The following PROM1 variants were observed in gnomAD, a reference collection of about 807,000 sequenced individuals.
PROM1 encodes prominin-1.
Under a neutral mutation model 116.9 loss-of-function variants are expected in PROM1, and 105 were observed. That is an observed-to-expected ratio of 0.90 (90% CI 0.77 to 1.06). PROM1 has a LOEUF of 1.06. Ranked by LOEUF, PROM1 falls within the 50% of genes least tolerant of loss-of-function variation. The probability of loss-of-function intolerance (pLI) is 0.00; values close to 1 mark genes in which losing one functional copy is unlikely to be tolerated. For missense variants in PROM1, 1,122 were observed against 1,045.2 expected (o/e 1.07, Z -1.01); for synonymous variants, 393 against 387.0 (o/e 1.02, Z -0.18).
In PROM1 at chr4:16,023,392, C is replaced by T. The variant is rs752543587; in HGVS notation, c.718G>A (p.Gly240Arg). Residue 240 changes from glycine (G) to arginine (R), a missense_variant, in exon 8 of 28, where the codon GGA becomes AGA. Gly to Arg is a moderately radical substitution (Grantham distance 125). Coordinates refer to ENST00000447510, the MANE Select transcript of PROM1 (RefSeq NM_006017.3). ...TTGGGTCTCAGTCGGTCAAGAATTCCGCCTCCTAGCACTGAATTGATACCT... is the reference window on the plus strand; with the variant it reads ...TTGGGTCTCAGTCGGTCAAGAATTCTGCCTCCTAGCACTGAATTGATACCT... Reference protein sequence around the residue: ...LNSINSVLGGGILDRLRPNII... With the variant: ...LNSINSVLGGRILDRLRPNII... 97 of 1,603,860 alleles carry T rather than the reference C, an allele frequency of 6.0e-5. No individual in the cohort carries two copies. The highest frequency in any genetic ancestry group is 8.5e-5 in the Admixed American group (5 of 58,918).
At chr4:16,041,610 C>G (rs756470328) in intron 2 of PROM1, among the ~76,000 whole-genome samples, 35 of 151,834 alleles carry the variant, frequency 2.3e-4, no homozygotes, top group South Asian at 1.2e-3. Flanking sequence ...CATAGTGAGA[C>G]CCCACATTAG....
intron 2 of PROM1, among the ~76,000 whole-genome samples, chr4:16,060,472 C>T (rs148726798): frequency 0.019 from 2,882 of 152,184 alleles, 93 homozygotes; most frequent in African/African-American, 0.065. Flanking sequence ...TGCTACCACG[C>T]CCGGCTAATT....
intron 2 of PROM1, among the ~76,000 whole-genome samples, chr4:16,066,576 A>T (rs1026591729): frequency 2.6e-5 from 4 of 152,202 alleles, no homozygotes; most frequent in Non-Finnish European, 5.9e-5. Context: ...TCCCAGGCAC[A>T]GGCCACCTGT....
rs780321797 is a variant in PROM1 at position 16,075,731 on chromosome 4, A to G, written c.176T>C (p.Val59Ala). The change falls in exon 2 of 28, where the codon GTG becomes GCG. Residue 59 changes from valine to alanine, a missense_variant. Transcript: ENST00000447510. The stretch of plus-strand genomic sequence containing the variant: ...CTGTACCACATAGAGAAAGATATGC[A>G]CTAGTTCAAAGAGAATGCCAATGGG... ...AGPIGILFEL[V>A]HIFLYVVQPR... 1 of 1,613,768 alleles carries G rather than the reference A, an allele frequency of 6.2e-7. No homozygotes were observed.
intron 10 of PROM1, among the ~76,000 whole-genome samples, chr4:16,014,699 G>A (rs1227542860): frequency 6.6e-6 from 1 of 152,162 alleles, no homozygotes; most frequent in Non-Finnish European, 1.5e-5. Flanking sequence ...ATAGAGATTT[G>A]AGACTTTTTA....
chr4:16,021,803 C>T (rs1159062554), intron 8 of PROM1, among the ~76,000 whole-genome samples: 2 of 152,132 alleles, frequency 1.3e-5, no homozygotes, highest in Admixed American at 6.5e-5. Context: ...CTTGCTAGAA[C>T]GGGGTCTGAA....
At chr4:16,071,578 G>A (rs571300466) in intron 2 of PROM1, among the ~76,000 whole-genome samples, 57 of 152,196 alleles carry the variant, frequency 3.7e-4, no homozygotes, top group South Asian at 1.7e-3. Context: ...GTGCCTGATG[G>A]GATTAGAGAA....
rs1274541371 is a variant in PROM1, at chr4:16,025,197, G to C, written c.625C>G (p.Pro209Ala). The C allele has an allele frequency of 1.2e-6, 2 of 1,613,554 alleles. No individual in the cohort carries two copies. Among genetic ancestry groups the C allele is most frequent in the Admixed American group, 1.7e-5 (1 of 59,984 alleles). Residue 209 changes from proline (P) to alanine (A), a missense_variant, in exon 6 of 28, where the codon CCA becomes GCA. Physicochemically the swap from Pro to Ala is conservative, Grantham distance 27. Coordinates refer to ENST00000447510, the MANE Select transcript of PROM1 (RefSeq NM_006017.3). ...KDLRTLLNET[P>A]EQIKYILAQY... ...ATAGAGATGATGGTTTTTACCTCTGGAGTTTCATTCAAGAGAGTTCGCAAG... is the reference window on the plus strand; with the variant it reads ...ATAGAGATGATGGTTTTTACCTCTGCAGTTTCATTCAAGAGAGTTCGCAAG...
intron 2 of PROM1, among the ~76,000 whole-genome samples, chr4:16,071,794 TA>T (rs1742879151): frequency 6.6e-6 from 1 of 152,166 alleles, no homozygotes; most frequent in Non-Finnish European, 1.5e-5. Context: ...TCTATGGTAT[TA>T]TTCCAAGAAA....
Position 16,051,793 on chromosome 4 carries a change from C to T in PROM1, c.221-12792G>A, listed in dbSNP as rs1160348460. 4.6e-5 allele frequency among the ~76,000 whole-genome samples: 7 copies of T among 152,148 alleles called. No individual in the cohort carries two copies. The South Asian group carries it at 1.2e-3, about 27-fold the overall frequency. On this transcript the variant is annotated intron_variant, in intron 2 of 27. Coordinates refer to ENST00000447510, the MANE Select transcript of PROM1 (RefSeq NM_006017.3). The stretch of plus-strand genomic sequence containing the variant: ...GTTTCTGACCCTGGTTTAATGAGCC[C>T]GGCATTTTAACAGAGTCTTCCAATT...
intron 2 of PROM1, among the ~76,000 whole-genome samples, chr4:16,056,717 G>T (rs1179479401): frequency 6.6e-6 from 1 of 152,134 alleles, no homozygotes; most frequent in Non-Finnish European, 1.5e-5. Flanking sequence ...CCAGGCAAAG[G>T]GAATAGGCAG....
At chr4:16,038,796 T>C (rs1734519344) in intron 3 of PROM1, 150 bp downstream of exon 3, 1 of 720,612 alleles carries the variant, frequency 1.4e-6, no homozygotes, top group Admixed American at 4.0e-5. Flanking sequence ...ATTTGTAAGG[T>C]GGTTCAATAT....
intron 12 of PROM1, among the ~76,000 whole-genome samples, chr4:16,007,156 C>CT (rs1365057437): frequency 6.6e-6 from 1 of 152,138 alleles, no homozygotes; most frequent in East Asian, 1.9e-4. Flanking sequence ...TTTCCCTGGG[C>CT]CTTTTTCTAA....
chr4:15,980,946 G>GTTATTTATTTATTTATTTATTTAT (rs59408018), intron 23 of PROM1, among the ~76,000 whole-genome samples: 34 of 145,232 alleles, frequency 2.3e-4, no homozygotes, highest in Middle Eastern at 3.5e-3. Flanking sequence ...CTTATGAGTT[G>GTTATTTATTTATTTATTTATTTAT]TTATTTATTT....
intron 2 of PROM1, among the ~76,000 whole-genome samples, chr4:16,043,460 C>A (rs959278817): frequency 2.6e-4 from 39 of 152,218 alleles, no homozygotes; most frequent in African/African-American, 9.2e-4. Context: ...ACATCACACC[C>A]AGCTAAGCCT....
chr4:15,975,733 A>T (rs1381711765), intron 26 of PROM1, among the ~76,000 whole-genome samples: 1 of 152,194 alleles, frequency 6.6e-6, no homozygotes. Context: ...AAATAAACCA[A>T]ATCAAAACTA....
chr4:16,075,103 C>T (rs530936484), intron 2 of PROM1, among the ~76,000 whole-genome samples: 4 of 152,132 alleles, frequency 2.6e-5, no homozygotes, highest in African/African-American at 9.7e-5. Context: ...AAATGACAAA[C>T]AGCACTGTGT....
At chr4:16,000,360 A>T in intron 14 of PROM1, 136 bp downstream of exon 14, 1 of 715,008 alleles carries the variant, frequency 1.4e-6, no homozygotes, top group Non-Finnish European at 2.0e-6. Flanking sequence ...TATTGAATTT[A>T]ATAATTTCAA....
chr4:16,059,891 G>A (rs748420539), intron 2 of PROM1, among the ~76,000 whole-genome samples: 64 of 152,078 alleles, frequency 4.2e-4, no homozygotes, highest in Non-Finnish European at 7.6e-4. Flanking sequence ...ACTGTTAGGG[G>A]TAGATCTAAA....
Sources: allele counts gnomAD v4.1 joint callset (sites outside exome capture counted in the v4.1 genomes callset), GRCh38; gene constraint gnomAD v4.1.1; transcripts MANE v1.5; gene names NCBI Gene and HGNC (gene_info 2026-07-23, HGNC 2026-07-21).